CELF5: variants seen among roughly 807,000 people sequenced by gnomAD.
CELF5 encodes the protein CUGBP Elav-like family member 5, also known as CUG-BP and ETR-3 like factor 5.
Under a neutral mutation model 54.9 loss-of-function variants are expected in CELF5, and 6 were observed. The observed-to-expected ratio is 0.11, with a 90% CI of 0.06 to 0.22. The LOEUF is 0.22. Among genes scored for constraint, CELF5 ranks in the 10% least tolerant of loss-of-function variants. The pLI, the probability that CELF5 is intolerant of heterozygous loss-of-function variation, is 1.00. For missense variants in CELF5, 401 were observed against 678.6 expected, an observed-to-expected ratio of 0.59 and a Z score of 4.54; for synonymous variants, 271 against 290.9, an observed-to-expected ratio of 0.93 and a Z score of 0.70.
chr19:3,248,619 A>T (rs2079599605), intron 1 of CELF5, among the ~76,000 whole-genome samples: 1 of 152,120 alleles, frequency 6.6e-6, no homozygotes, highest in African/African-American at 2.4e-5. Context: ...TCATCTGTGA[A>T]TGGACGCCTG....
intron 1 of CELF5, among the ~76,000 whole-genome samples, chr19:3,247,271 C>T (rs1334583054): frequency 2.0e-5 from 3 of 152,048 alleles, no homozygotes; most frequent in Admixed American, 6.6e-5. Flanking sequence ...GGACTACAGG[C>T]CCCTGCCACC....
intron 1 of CELF5, chr19:3,225,656 C>G (rs921288303): frequency 6.2e-5 from 58 of 935,042 alleles, no homozygotes; most frequent in Non-Finnish European, 7.1e-5. Flanking sequence ...GCGCCCGGCT[C>G]GGGGGGACGC....
chr19:3,286,243 C>A, intron 10 of CELF5: 1 of 500,044 alleles, frequency 2.0e-6, no homozygotes, highest in East Asian at 3.5e-5. Flanking sequence ...CTCGCCCCGA[C>A]CCCGTAGGAA....
At chr19:3,277,672 C>G (rs1436769248) in intron 4 of CELF5, among the ~76,000 whole-genome samples, 1 of 152,098 alleles carries the variant, frequency 6.6e-6, no homozygotes, top group African/African-American at 2.4e-5. Flanking sequence ...GGTGCAGTGG[C>G]CTCTGTATGT....
rs1433611955 is a variant in CELF5, at chr19:3,275,515, G to C, written c.395-341G>C. On this transcript the variant is annotated intron_variant, in intron 3 of 12. Transcript: ENST00000292672. This position sits in a 1 kb window ranked among gnomAD's most constrained non-coding sequence, Gnocchi z 6.7. The stretch of plus-strand genomic sequence containing the variant: ...AGCTCCTAGCCCTAGTACTCGGTGC[G>C]GGCTCTCTGAGTGCACCAGAGGGAA... Among the ~76,000 whole-genome samples the C allele has an allele frequency of 6.6e-6, 1 of 152,232 alleles. No individual in the cohort carries two copies. The highest frequency in any genetic ancestry group is 2.4e-5 in the African/African-American group (1 of 41,462).
intron 1 of CELF5, among the ~76,000 whole-genome samples, chr19:3,248,905 C>CCTTT (rs796237924): frequency 0.016 from 1,545 of 94,050 alleles, 16 homozygotes; most frequent in East Asian, 0.039. Flanking sequence ...TTCCTTCCTT[C>CCTTT]CTTTCTTTCT....
At position 3,228,025 on chromosome 19, in the gene CELF5, G is replaced by T. The variant is rs570634145; in HGVS notation, c.259+3027G>T. Among the ~76,000 whole-genome samples the T allele has an allele frequency of 1.3e-5, 2 of 152,126 alleles. No homozygotes were observed. The highest frequency in any genetic ancestry group is 4.8e-5 in the African/African-American group (2 of 41,420). On this transcript the variant is annotated intron_variant, in intron 1 of 12. Transcript: ENST00000292672. This position sits in a 1 kb window ranked among gnomAD's most constrained non-coding sequence, Gnocchi z 6.0. ...GAAAGGCAGGAGGCCTCATCCAGGAGCGGGGCAGGGGTAGGGGGAGAGGGA... is the reference window on the plus strand; with the variant it reads ...GAAAGGCAGGAGGCCTCATCCAGGATCGGGGCAGGGGTAGGGGGAGAGGGA...
intron 1 of CELF5, among the ~76,000 whole-genome samples, chr19:3,245,179 C>T (rs908519082): frequency 1.5e-4 from 19 of 124,566 alleles, no homozygotes; most frequent in African/African-American, 5.0e-4. Context: ...TGTGTCTTTG[C>T]GTGTGTGTGT....
intron 2 of CELF5, among the ~76,000 whole-genome samples, chr19:3,264,188 C>T (rs764646084): frequency 3.9e-5 from 6 of 151,910 alleles, no homozygotes; most frequent in African/African-American, 1.2e-4. Flanking sequence ...GCAGGAGGAT[C>T]GCTTGAGCCC....
At chr19:3,277,012 T>TCTCTGGTTGTGTCTGTC (rs1256680891) in intron 4 of CELF5, among the ~76,000 whole-genome samples, 1 of 152,142 alleles carries the variant, frequency 6.6e-6, no homozygotes, top group African/African-American at 2.4e-5. Context: ...TGACTGGTGG[T>TCTCTGGTTGTGTCTGTC]CTCTGGTTGT....
At chr19:3,225,494 C>T in intron 1 of CELF5, 1 of 795,294 alleles carries the variant, frequency 1.3e-6, no homozygotes, top group Non-Finnish European at 1.5e-6. Flanking sequence ...CATTCAGCCT[C>T]CCCAGGCCCC....
chr19:3,227,452 G>T (rs1916989549), intron 1 of CELF5, among the ~76,000 whole-genome samples: 1 of 152,172 alleles, frequency 6.6e-6, no homozygotes, highest in Admixed American at 6.5e-5. Flanking sequence ...GTTCAGAGTG[G>T]CAGGGCCTTG....
intron 9 of CELF5, 34 bp downstream of exon 9, chr19:3,284,998 T>TGGCCCCGCCCCCGCCTAG: frequency 2.0e-6 from 3 of 1,504,258 alleles, no homozygotes; most frequent in East Asian, 2.3e-5. Context: ...CGCTGGGCCC[T>TGGCCCCGCCCCCGCCTAG]GGCCCCGCCC....
chr19:3,227,765 C>T (rs2144962050), intron 1 of CELF5, among the ~76,000 whole-genome samples: 1 of 152,182 alleles, frequency 6.6e-6, no homozygotes, highest in East Asian at 1.9e-4. Context: ...CCCTGGGTCC[C>T]ACATTTACCG....
chr19:3,265,910 G>A (rs546687937), intron 2 of CELF5, among the ~76,000 whole-genome samples: 1 of 152,092 alleles, frequency 6.6e-6, no homozygotes, highest in South Asian at 2.1e-4. Context: ...GGGTTCAAGT[G>A]ATTCTCTTGC....
At chr19:3,244,394 G>T (rs414088) in intron 1 of CELF5, among the ~76,000 whole-genome samples, 1 of 151,242 alleles carries the variant, frequency 6.6e-6, no homozygotes, top group African/African-American at 2.4e-5. Flanking sequence ...TAGTGTGTGT[G>T]GTGTGCATGC....
intron 1 of CELF5, among the ~76,000 whole-genome samples, chr19:3,236,650 T>G (rs1409838799): frequency 6.6e-6 from 1 of 152,024 alleles, no homozygotes; most frequent in Non-Finnish European, 1.5e-5. Context: ...TCAGGAATAT[T>G]GAATGACTCT....
chr19:3,285,878 G>C, intron 9 of CELF5, 64 bp from the exon 10 acceptor site: 104 of 624,010 alleles, frequency 1.7e-4, no homozygotes, highest in Non-Finnish European at 2.0e-4. Flanking sequence ...CCCGCCCAGC[G>C]GCCCAGGCCG....
rs991565091 is a variant in CELF5 at position 3,281,009 on chromosome 19, C to T, written c.604-190C>T. 2.0e-5 allele frequency among the ~76,000 whole-genome samples: 3 copies of T among 152,182 alleles called. No homozygotes were observed. Among genetic ancestry groups the T allele is most frequent in the South Asian group, 2.1e-4 (1 of 4,834 alleles). On this transcript the variant is annotated intron_variant, in intron 5 of 12. Coordinates refer to ENST00000292672, the MANE Select transcript of CELF5 (RefSeq NM_021938.4). This position sits in a 1 kb window ranked among gnomAD's most constrained non-coding sequence, Gnocchi z 6.5. ...TGCACCTGTGCAGATGCTGCTGGGCCCAGGATGCTGATCTCCACGCGGTCC... is the reference window on the plus strand; with the variant it reads ...TGCACCTGTGCAGATGCTGCTGGGCTCAGGATGCTGATCTCCACGCGGTCC...
Sources: gnomAD v4.1 joint callset for allele counts (sites outside exome capture counted in the v4.1 genomes callset) on GRCh38, gnomAD v4.1.1 for gene constraint, Gnocchi (gnomAD v3.1) non-coding constraint, MANE v1.5 for transcripts, NCBI Gene and HGNC (gene_info 2026-07-23, HGNC 2026-07-21) for gene names.